The following AATF variants were observed in gnomAD, a reference collection of about 807,000 sequenced individuals.
AATF encodes the protein protein AATF.
In AATF, 48 loss-of-function variants were observed where a neutral mutation model predicts 63.7. The ratio of observed to expected loss-of-function variants is 0.75; its 90% CI spans 0.60 to 0.96. The LOEUF is 0.96. Ranked by LOEUF, AATF falls within the 40% of genes least tolerant of loss-of-function variation. The pLI is 0.00. For synonymous variants in AATF, 258 were observed against 247.7 expected (o/e 1.04, Z -0.39); for missense variants, 639 against 685.7 (o/e 0.93, Z 0.76).
chr17:37,019,507 A>G (rs1466527404), intron 9 of AATF, among the ~76,000 whole-genome samples: 1 of 152,182 alleles, frequency 6.6e-6, no homozygotes, highest in Non-Finnish European at 1.5e-5. Context: ...CTTCAGTAAA[A>G]GCTTCAGCAC....
At chr17:37,056,530 G>T in intron 11 of AATF, 71 bp from the exon 12 acceptor site, 1 of 1,515,572 alleles carries the variant, frequency 6.6e-7, no homozygotes, top group Non-Finnish European at 9.1e-7. Context: ...GTATTTTCCA[G>T]CTTCTGCGTT....
intron 11 of AATF, among the ~76,000 whole-genome samples, chr17:37,048,175 G>T (rs2071710601): frequency 6.6e-6 from 1 of 151,940 alleles, no homozygotes; most frequent in Non-Finnish European, 1.5e-5. Flanking sequence ...GTTGTTGGGG[G>T]ATGTTAAGAG....
intron 8 of AATF, among the ~76,000 whole-genome samples, chr17:37,009,749 G>A (rs866136334): frequency 1.4e-5 from 2 of 147,592 alleles, no homozygotes; most frequent in African/African-American, 2.5e-5. Flanking sequence ...TCCGGGAAGC[G>A]GAGCTTGCGG....
intron 8 of AATF, chr17:36,998,907 G>A (rs2071274215): frequency 6.6e-6 from 1 of 152,130 alleles, no homozygotes; most frequent in Non-Finnish European, 1.5e-5. Flanking sequence ...GAGCAATCAG[G>A]TATTTGATAC....
chr17:36,984,188 G>A lies in AATF; in HGVS notation c.833-2429G>A, dbSNP rs143506859. Among the ~76,000 whole-genome samples the A allele has an allele frequency of 1.3e-3, 195 of 152,342 alleles. 2 individuals are homozygous for A. In the East Asian group the frequency reaches 0.018, roughly 14 times the overall value. ...TATATGAATGTCGGGATTGTTGAAC[G>A]GAAGTAGGGATGCTTGTGAGACTAC... On this transcript the variant is annotated intron_variant, in intron 4 of 11. Coordinates refer to ENST00000619387, the MANE Select transcript of AATF (RefSeq NM_012138.4).
At position 36,986,614 on chromosome 17, in the gene AATF, C is replaced by T. The variant is rs148507788; in HGVS notation, c.833-3C>T. 111 of 1,611,436 alleles carry T rather than the reference C, an allele frequency of 6.9e-5. 1 individual carries two copies. The East Asian group carries it at 1.5e-3, about 21-fold the overall frequency. ...TGTCCTTTCTCTGTCCTTTATTTCC[C>T]AGGTCACAAGGCACTTAAAGCATTG... On this transcript the variant is annotated splice_region_variant and splice_polypyrimidine_tract_variant and intron_variant, in intron 4 of 11. Transcript: ENST00000619387.
At chr17:36,988,009 AT>A (rs2071182194) in intron 5 of AATF, among the ~76,000 whole-genome samples, 1 of 152,036 alleles carries the variant, frequency 6.6e-6, no homozygotes, top group Admixed American at 6.6e-5. Flanking sequence ...TTCTTTTTAT[AT>A]TTGTTTTAAA....
chr17:37,038,699 C>A (rs2071612392), intron 11 of AATF, among the ~76,000 whole-genome samples: 1 of 151,966 alleles, frequency 6.6e-6, no homozygotes, highest in African/African-American at 2.4e-5. Flanking sequence ...TAAAGAAATT[C>A]TCAAAATGTA....
At chr17:37,047,942 T>C (rs891870931) in intron 11 of AATF, among the ~76,000 whole-genome samples, 3 of 152,208 alleles carry the variant, frequency 2.0e-5, no homozygotes, top group Non-Finnish European at 4.4e-5. Flanking sequence ...TTTAGGTAAT[T>C]AGTGATAGAT....
At chr17:37,053,842 G>A (rs1227074012) in intron 11 of AATF, among the ~76,000 whole-genome samples, 2 of 152,132 alleles carry the variant, frequency 1.3e-5, no homozygotes, top group East Asian at 3.8e-4. Flanking sequence ...CTCCAGCCTG[G>A]CGACAGAGCG....
At chr17:37,026,247 T>C (rs1025506093) in intron 10 of AATF, among the ~76,000 whole-genome samples, 3 of 152,196 alleles carry the variant, frequency 2.0e-5, no homozygotes, top group Admixed American at 6.5e-5. Context: ...CAAGGTGTAA[T>C]GTGGGGTCTT....
chr17:36,949,711 TG>T (rs1165434784), intron 1 of AATF, among the ~76,000 whole-genome samples: 1 of 152,192 alleles, frequency 6.6e-6, no homozygotes, highest in Non-Finnish European at 1.5e-5. Flanking sequence ...CTGAGACTCC[TG>T]TTCTGTAAGC....
chr17:37,012,654 T>A (rs913316475), intron 8 of AATF, among the ~76,000 whole-genome samples: 1 of 152,198 alleles, frequency 6.6e-6, no homozygotes, highest in African/African-American at 2.4e-5. Flanking sequence ...TAACTCTGGG[T>A]CACAAATTCA....
intron 8 of AATF, among the ~76,000 whole-genome samples, chr17:37,014,716 AT>A (rs1464235038): frequency 3.3e-5 from 5 of 152,082 alleles, no homozygotes; most frequent in Non-Finnish European, 7.4e-5. Context: ...AATTTTCAGT[AT>A]TCCTTCAAAC....
At chr17:37,045,654 T>C (rs1225562461) in intron 11 of AATF, 2 of 152,286 alleles carry the variant, frequency 1.3e-5, no homozygotes, top group African/African-American at 4.8e-5. Flanking sequence ...CTTCCACAGC[T>C]CGGTCCTACA....
intron 4 of AATF, among the ~76,000 whole-genome samples, chr17:36,972,157 A>G (rs2071044443): frequency 6.6e-6 from 1 of 152,168 alleles, no homozygotes; most frequent in Non-Finnish European, 1.5e-5. Flanking sequence ...CTAGGGATAG[A>G]GGAATGGGCC....
At chr17:37,042,384 C>G (rs1259976448) in intron 11 of AATF, among the ~76,000 whole-genome samples, 4 of 151,444 alleles carry the variant, frequency 2.6e-5, no homozygotes, top group Non-Finnish European at 4.4e-5. Context: ...TCTACTGCCT[C>G]TTTTTTTGAG....
intron 10 of AATF, among the ~76,000 whole-genome samples, chr17:37,021,823 AATAAT>A (rs2071474074): frequency 5.9e-5 from 8 of 136,152 alleles, no homozygotes; most frequent in Non-Finnish European, 1.1e-4. Flanking sequence ...AAAAAAAAAT[AATAAT>A]AATAATAATA....
At chr17:36,988,391 TGGTG>T (rs2071185565) in intron 5 of AATF, 124 bp from the exon 6 acceptor site, 2 of 808,158 alleles carry the variant, frequency 2.5e-6, no homozygotes, top group Non-Finnish European at 3.8e-6. Context: ...CTTATATCTT[TGGTG>T]TTATTTTGAA....
Sources: allele counts gnomAD v4.1 joint callset (sites outside exome capture counted in the v4.1 genomes callset), GRCh38; gene constraint gnomAD v4.1.1; transcripts MANE v1.5; gene names NCBI Gene and HGNC (gene_info 2026-07-23, HGNC 2026-07-21).